RAB27A: variants seen among roughly 807,000 people sequenced by gnomAD.
RAB27A encodes the protein RAB27A, member RAS oncogene family.
Under a neutral mutation model 20.8 loss-of-function variants are expected in RAB27A, and 17 were observed. That is an observed-to-expected ratio of 0.82 (90% CI 0.56 to 1.23). RAB27A has a LOEUF of 1.23. Ranked by LOEUF, RAB27A falls within the 50% of genes most tolerant of loss-of-function variation. The pLI is 0.00. For missense variants in RAB27A, 277 were observed against 266.7 expected (o/e 1.04, Z -0.27); for synonymous variants, 85 against 92.8 (o/e 0.92, Z 0.48).
chr15:55,220,599 T>C (rs1056434176), intron 6 of RAB27A, among the ~76,000 whole-genome samples: 2 of 152,160 alleles, frequency 1.3e-5, no homozygotes, highest in African/African-American at 4.8e-5. Context: ...GAATTGAGAA[T>C]AGAAGACAGC....
intron 2 of RAB27A, among the ~76,000 whole-genome samples, chr15:55,313,739 C>T (rs534818253): frequency 6.6e-5 from 10 of 152,028 alleles, no homozygotes; most frequent in South Asian, 2.1e-4. Flanking sequence ...TTCGGGAAGC[C>T]GAGGCGGGCG....
At chr15:55,318,120 C>A (rs557154978) in intron 1 of RAB27A, among the ~76,000 whole-genome samples, 2 of 134,626 alleles carry the variant, frequency 1.5e-5, no homozygotes, top group South Asian at 2.3e-4. Context: ...TTTTTTGAGA[C>A]GGAGTCTCGC....
chr15:55,237,111 T>C (rs530212287), intron 2 of RAB27A, among the ~76,000 whole-genome samples: 10 of 152,198 alleles, frequency 6.6e-5, no homozygotes, highest in Non-Finnish European at 1.0e-4. Flanking sequence ...TCTATACACA[T>C]GCCAGATGTC....
rs1380808325 is a variant in RAB27A, at chr15:55,209,822, A to G, written c.468-4117T>C. ...TATACATATATACACACATGTGTGTATATATACATATATGTGTGTACACAT... is the reference window on the plus strand; with the variant it reads ...TATACATATATACACACATGTGTGTGTATATACATATATGTGTGTACACAT... On this transcript the variant is annotated intron_variant, in intron 6 of 6. Coordinates refer to ENST00000336787, the MANE Select transcript of RAB27A (RefSeq NM_183235.3). Among the ~76,000 whole-genome samples the G allele has an allele frequency of 7.4e-5, 10 of 135,520 alleles. 1 individual carries two copies. The highest frequency in any genetic ancestry group is 2.8e-4 in the Admixed American group (4 of 14,212). 88.9% of individuals were successfully genotyped at this position (135,520 alleles called of 152,430 possible). A position where few individuals can be genotyped will look rare whatever the true frequency, so the allele number is the denominator to read the frequency against.
chr15:55,254,429 T>A (rs1595720107), intron 2 of RAB27A, among the ~76,000 whole-genome samples: 1 of 152,020 alleles, frequency 6.6e-6, no homozygotes, highest in Admixed American at 6.6e-5. Flanking sequence ...GAAATAAAAG[T>A]TTTTTATTTT....
At chr15:55,288,073 ACAC>A (rs1898204270) in intron 1 of RAB27A, among the ~76,000 whole-genome samples, 1 of 152,236 alleles carries the variant, frequency 6.6e-6, no homozygotes, top group African/African-American at 2.4e-5. Flanking sequence ...CCCCTGCCTC[ACAC>A]CATATTTAAA....
At chr15:55,296,374 T>C (rs938891042) in intron 2 of RAB27A, among the ~76,000 whole-genome samples, 3 of 151,864 alleles carry the variant, frequency 2.0e-5, no homozygotes, top group African/African-American at 7.2e-5. Context: ...CACATGCCTG[T>C]GGTCCCAGCT....
At chr15:55,206,349 G>A (rs1440497746) in intron 6 of RAB27A, 1 of 698,598 alleles carries the variant, frequency 1.4e-6, no homozygotes, top group Admixed American at 6.3e-5. Context: ...TTTCGTTTAA[G>A]TTTTTGGAGG....
chr15:55,241,308 CAA>C (rs1896468592), intron 2 of RAB27A, among the ~76,000 whole-genome samples: 2 of 151,962 alleles, frequency 1.3e-5, no homozygotes, highest in Non-Finnish European at 2.9e-5. Context: ...TTGGGATATG[CAA>C]AAGACTTTCT....
At chr15:55,241,249 C>T (rs1896466585) in intron 2 of RAB27A, among the ~76,000 whole-genome samples, 1 of 152,138 alleles carries the variant, frequency 6.6e-6, no homozygotes, top group South Asian at 2.1e-4. Flanking sequence ...GAGAAAAGTG[C>T]TGTCTACCTC....
At chr15:55,303,560 TG>T (rs1439736914) in intron 2 of RAB27A, among the ~76,000 whole-genome samples, 5 of 47,668 alleles carry the variant, frequency 1.0e-4, no homozygotes, top group African/African-American at 1.0e-4. Flanking sequence ...GGGAGGGAGG[TG>T]GGGGGGTCGG....
chr15:55,270,502 G>A (rs553059834), intron 1 of RAB27A: 1 of 152,098 alleles, frequency 6.6e-6, no homozygotes, highest in Non-Finnish European at 1.5e-5. Flanking sequence ...GTTCCAGTTC[G>A]ACTGGCCACT....
intron 1 of RAB27A, among the ~76,000 whole-genome samples, chr15:55,278,584 G>A (rs533798434): frequency 1.5e-4 from 23 of 151,126 alleles, no homozygotes; most frequent in African/African-American, 4.4e-4. Flanking sequence ...CTGGGTTCAC[G>A]CCATTCGCCT....
chr15:55,254,817 G>C (rs539187667), intron 2 of RAB27A, among the ~76,000 whole-genome samples: 1 of 152,188 alleles, frequency 6.6e-6, no homozygotes, highest in Non-Finnish European at 1.5e-5. Context: ...CAAACATAAA[G>C]ATAAAATGCA....
chr15:55,236,118 T>C (rs958463815), intron 2 of RAB27A, among the ~76,000 whole-genome samples: 1 of 151,484 alleles, frequency 6.6e-6, no homozygotes, highest in African/African-American at 2.4e-5. Context: ...CTAAAGAACT[T>C]ATCCATGTAA....
At chr15:55,313,809 T>C (rs1296673472) in intron 2 of RAB27A, among the ~76,000 whole-genome samples, 3 of 151,964 alleles carry the variant, frequency 2.0e-5, no homozygotes, top group Non-Finnish European at 4.4e-5. Context: ...CTGTCTCTAC[T>C]AAAAATACAA....
intron 2 of RAB27A, among the ~76,000 whole-genome samples, chr15:55,255,787 A>G (rs2141050488): frequency 6.6e-6 from 1 of 152,310 alleles, no homozygotes; most frequent in Non-Finnish European, 1.5e-5. Flanking sequence ...AGGTGGAATG[A>G]TGTACTCATT....
chr15:55,312,702 G>A (rs2055026474), intron 2 of RAB27A, among the ~76,000 whole-genome samples: 6 of 152,026 alleles, frequency 3.9e-5, no homozygotes, highest in Admixed American at 3.9e-4. Context: ...AACTAAACTG[G>A]CATCCTTTTC....
At chr15:55,206,429 C>T (rs75688259) in intron 6 of RAB27A, 7,429 of 180,274 alleles carry the variant, frequency 0.041, 190 homozygotes, top group Non-Finnish European at 0.053. Context: ...AGTTCCCAGG[C>T]GACTTCCCAG....
Sources: allele counts gnomAD v4.1 joint callset (sites outside exome capture counted in the v4.1 genomes callset), GRCh38; gene constraint gnomAD v4.1.1; transcripts MANE v1.5; gene names NCBI Gene and HGNC (gene_info 2026-07-23, HGNC 2026-07-21).